The following ARHGEF28 variants were observed in gnomAD, a reference collection of about 807,000 sequenced individuals.
The protein encoded by ARHGEF28 is 190 kDa guanine nucleotide exchange factor.
In ARHGEF28, 152 loss-of-function variants were observed where a neutral mutation model predicts 206.6. That is an observed-to-expected ratio of 0.74 (90% CI 0.64 to 0.84). The LOEUF (loss-of-function observed/expected upper bound fraction) is 0.84. Among genes scored for constraint, ARHGEF28 ranks in the 40% least tolerant of loss-of-function variants. The probability of loss-of-function intolerance (pLI) is 0.00; values close to 1 mark genes in which losing one functional copy is unlikely to be tolerated. For missense variants in ARHGEF28, 2,028 were observed against 2,073.2 expected, an observed-to-expected ratio of 0.98 and a Z score of 0.42; for synonymous variants, 763 against 776.4, an observed-to-expected ratio of 0.98 and a Z score of 0.29.
chr5:73,709,788 T>C (rs1436013529), intron 2 of ARHGEF28, among the ~76,000 whole-genome samples: 1 of 152,224 alleles, frequency 6.6e-6, no homozygotes, highest in African/African-American at 2.4e-5. Flanking sequence ...AGTGGTATAC[T>C]GAGTTGGTCA....
chr5:73,783,345 A>AGTGTGTGTGTGTGTGTGT (rs57320048), intron 7 of ARHGEF28, among the ~76,000 whole-genome samples: 11 of 145,918 alleles, frequency 7.5e-5, no homozygotes, highest in South Asian at 4.5e-4. Context: ...CCTGGAATAT[A>AGTGTGTGTGTGTGTGTGT]GTGTGTGTGT....
At chr5:73,864,212 A>G (rs920671666) in intron 16 of ARHGEF28, among the ~76,000 whole-genome samples, 2 of 152,180 alleles carry the variant, frequency 1.3e-5, no homozygotes, top group Non-Finnish European at 2.9e-5. Flanking sequence ...AGGGGCAGGG[A>G]AAGTATTCCC....
chr5:73,674,775 A>T (rs1746551460), intron 1 of ARHGEF28, among the ~76,000 whole-genome samples: 1 of 152,216 alleles, frequency 6.6e-6, no homozygotes, highest in African/African-American at 2.4e-5. Context: ...CAATGATGCA[A>T]TGAGTCATGC....
intron 2 of ARHGEF28, among the ~76,000 whole-genome samples, chr5:73,740,130 T>G (rs1161341516): frequency 7.0e-6 from 1 of 142,632 alleles, no homozygotes; most frequent in Non-Finnish European, 1.5e-5. Context: ...TGAGCTATGA[T>G]CATGTCACTG....
In ARHGEF28 at chr5:73,772,998, G is replaced by T. The variant is rs1753309272; in HGVS notation, c.476-857G>T. 2.0e-5 allele frequency among the ~76,000 whole-genome samples: 3 copies of T among 152,184 alleles called. No individual in the cohort carries two copies. The South Asian group carries it at 6.2e-4, about 32-fold the overall frequency. On this transcript the variant is annotated intron_variant, in intron 4 of 35. Transcript: ENST00000513042. ...TTGTTCTCAGTGTCCATTTTACAGTGAACAATTCAGTGTACAGACTATTCA... is the reference window on the plus strand; with the variant it reads ...TTGTTCTCAGTGTCCATTTTACAGTTAACAATTCAGTGTACAGACTATTCA...
At chr5:73,940,243 C>T (rs1196057104) in intron 35 of ARHGEF28, among the ~76,000 whole-genome samples, 1 of 152,144 alleles carries the variant, frequency 6.6e-6, no homozygotes, top group Non-Finnish European at 1.5e-5. Context: ...AACCAGAAAA[C>T]ATCAAACCCA....
At chr5:73,723,003 G>A (rs1750051582) in intron 2 of ARHGEF28, among the ~76,000 whole-genome samples, 1 of 152,108 alleles carries the variant, frequency 6.6e-6, no homozygotes, top group African/African-American at 2.4e-5. Context: ...CCTTTCTTAT[G>A]TAGTATGAAG....
chr5:73,924,891 A>C (rs1277651617), intron 35 of ARHGEF28, among the ~76,000 whole-genome samples: 4 of 152,162 alleles, frequency 2.6e-5, no homozygotes, highest in African/African-American at 9.7e-5. Flanking sequence ...CTTGAAATAC[A>C]CTGTGGAAAA....
intron 9 of ARHGEF28, among the ~76,000 whole-genome samples, chr5:73,800,994 C>T (rs777748855): frequency 4.0e-5 from 6 of 151,322 alleles, no homozygotes; most frequent in Middle Eastern, 3.4e-3. Flanking sequence ...GGAAATGGTG[C>T]AGTCAATAAG....
rs549919408 is a variant in ARHGEF28, at chr5:73,773,930, G to T, written c.551G>T (p.Cys184Phe). ...GLAKLSQFFL[C>F]LPGGVQALAL... is the part of the protein sequence containing the mutation. ...GCTAAACTTTCCCAGTTCTTCTTGT[G>T]TCTCCCGGGGGGAGTCCAGGCCTTG... Residue 184 changes from cysteine (C) to phenylalanine (F), a missense_variant, in exon 5 of 36, where the codon TGT becomes TTT. Physicochemically the swap from Cys to Phe is radical, Grantham distance 205. Transcript: ENST00000513042. 6.2e-7 allele frequency: 1 copy of T among 1,607,872 alleles called. No homozygotes were observed. Among genetic ancestry groups the T allele is most frequent in the South Asian group, 1.1e-5 (1 of 89,340 alleles).
intron 26 of ARHGEF28, among the ~76,000 whole-genome samples, chr5:73,889,548 G>T (rs891389214): frequency 6.6e-6 from 1 of 152,222 alleles, no homozygotes; most frequent in South Asian, 2.1e-4. Flanking sequence ...GTGAACATGT[G>T]GACCTGCAGG....
chr5:73,651,036 A>G lies in ARHGEF28; in HGVS notation c.-12+24714A>G, dbSNP rs1326592889. ...AAAGTACTTTCAAAAGACAAATGCTACAATTAGTTCTTAGACATTTAGGAA... is the reference window on the plus strand; with the variant it reads ...AAAGTACTTTCAAAAGACAAATGCTGCAATTAGTTCTTAGACATTTAGGAA... On this transcript the variant is annotated intron_variant, in intron 1 of 35. Coordinates refer to ENST00000513042, the MANE Select transcript of ARHGEF28 (RefSeq NM_001177693.2). Among the ~76,000 whole-genome samples the G allele has an allele frequency of 2.0e-5, 3 of 152,248 alleles. No homozygotes were observed. In the East Asian group the frequency reaches 5.8e-4, roughly 29 times the overall value.
chr5:73,828,868 T>G (rs1256396045), intron 9 of ARHGEF28, among the ~76,000 whole-genome samples: 1 of 152,080 alleles, frequency 6.6e-6, no homozygotes, highest in Non-Finnish European at 1.5e-5. Flanking sequence ...TCGTCCAGGC[T>G]GGAGTGTAGT....
chr5:73,848,951 A>T, intron 12 of ARHGEF28, 25 bp from the exon 13 acceptor site: 2 of 1,474,600 alleles, frequency 1.4e-6, no homozygotes, highest in Middle Eastern at 3.4e-4. Context: ...TAAATTTTTA[A>T]ACACTTTATT....
chr5:73,735,865 G>A (rs983820899), intron 2 of ARHGEF28, among the ~76,000 whole-genome samples: 6 of 152,086 alleles, frequency 3.9e-5, no homozygotes, highest in Admixed American at 1.3e-4. Flanking sequence ...TGGTTTTCAC[G>A]CCTTTATTTG....
intron 17 of ARHGEF28, among the ~76,000 whole-genome samples, chr5:73,865,750 C>A (rs773139446): frequency 6.6e-6 from 1 of 152,128 alleles, no homozygotes; most frequent in African/African-American, 2.4e-5. Flanking sequence ...GTTCAGGAGG[C>A]GCATGTTCAC....
intron 1 of ARHGEF28, among the ~76,000 whole-genome samples, chr5:73,674,386 A>T (rs1046919948): frequency 6.6e-6 from 1 of 152,186 alleles, no homozygotes. Flanking sequence ...CTGCTAAGCC[A>T]CTTCTAGCTG....
intron 26 of ARHGEF28, among the ~76,000 whole-genome samples, chr5:73,888,452 T>C (rs1477356770): frequency 6.6e-6 from 1 of 152,214 alleles, no homozygotes. Context: ...CTTGAGATTC[T>C]CTTAAAGAAC....
intron 2 of ARHGEF28, among the ~76,000 whole-genome samples, chr5:73,710,997 G>C (rs77718718): frequency 0.03 from 4,601 of 152,224 alleles, 232 homozygotes; most frequent in African/African-American, 0.1. Flanking sequence ...AGCCACCGCT[G>C]TCGGCCTTAA....
Sources: allele counts gnomAD v4.1 joint callset (sites outside exome capture counted in the v4.1 genomes callset), GRCh38; gene constraint gnomAD v4.1.1; transcripts MANE v1.5; gene names NCBI Gene and HGNC (gene_info 2026-07-23, HGNC 2026-07-21).